CHN1: variants seen among roughly 807,000 people sequenced by gnomAD.
The protein encoded by CHN1 is chimerin 1.
Under a neutral mutation model 59.5 loss-of-function variants are expected in CHN1, and 37 were observed. That is an observed-to-expected ratio of 0.62 (90% CI 0.48 to 0.82). CHN1 has a LOEUF of 0.82. CHN1 is among the 40% of genes least tolerant of loss of function. The pLI is 0.00. For missense variants in CHN1, 469 were observed against 571.0 expected, an observed-to-expected ratio of 0.82 and a Z score of 1.82; for synonymous variants, 206 against 200.4, an observed-to-expected ratio of 1.03 and a Z score of -0.24.
chr2:174,846,871 T>TTGTG lies in CHN1; in HGVS notation c.627+8_627+9insCACA. 1 of 1,545,484 alleles carries TTGTG rather than the reference T, an allele frequency of 6.5e-7. No homozygotes were observed. The highest frequency in any genetic ancestry group is 8.7e-7 in the Non-Finnish European group (1 of 1,143,442). ...CATTTCTTAAAAGACTAAAAGCAAATATTCTTACCTTGAAATTGTGAATCT... is the reference window on the plus strand; with the variant it reads ...CATTTCTTAAAAGACTAAAAGCAAATTGTGATTCTTACCTTGAAATTGTGAATCT... On this transcript the variant is annotated intron_variant, in intron 7 of 12. Coordinates refer to ENST00000409900, the MANE Select transcript of CHN1 (RefSeq NM_001822.7).
At chr2:174,835,290 C>A (rs1381230733) in intron 7 of CHN1, among the ~76,000 whole-genome samples, 1 of 152,170 alleles carries the variant, frequency 6.6e-6, no homozygotes, top group Non-Finnish European at 1.5e-5. Flanking sequence ...CAAATTTTCT[C>A]ACTCTCTCTG....
intron 8 of CHN1, among the ~76,000 whole-genome samples, chr2:174,819,471 T>C (rs1685404072): frequency 6.6e-6 from 1 of 152,232 alleles, no homozygotes; most frequent in Admixed American, 6.5e-5. Flanking sequence ...TAGATTATTC[T>C]GGTAAGGCTA....
rs561794332 is a variant in CHN1, at chr2:174,810,858, T to G, written c.964+653A>C. The G allele has an allele frequency of 7.9e-5, 12 of 152,366 alleles. No individual in the cohort carries two copies. The East Asian group carries it at 2.1e-3, about 27-fold the overall frequency. 9.4% of individuals were successfully genotyped at this position (152,366 alleles called of 1,614,324 possible). A position where few individuals can be genotyped will look rare whatever the true frequency, so the allele number is the denominator to read the frequency against. On this transcript the variant is annotated intron_variant, in intron 10 of 12. Transcript: ENST00000409900. The stretch of plus-strand genomic sequence containing the variant: ...ACTCTTACTCCTTTACTTCCTGTAT[T>G]CAAGGCTACAGGTCTTCTTTGGAAC...
At chr2:174,903,070 G>A (rs1452693770) in intron 5 of CHN1, among the ~76,000 whole-genome samples, 1 of 151,630 alleles carries the variant, frequency 6.6e-6, no homozygotes, top group Non-Finnish European at 1.5e-5. Flanking sequence ...GAAATCCCTT[G>A]CTTAATAGAA....
intron 1 of CHN1, among the ~76,000 whole-genome samples, chr2:174,999,822 G>C (rs1574260224): frequency 6.6e-6 from 1 of 152,274 alleles, no homozygotes; most frequent in Non-Finnish European, 1.5e-5. Context: ...TTTTTTAAAA[G>C]GTTGAGAAAA....
intron 6 of CHN1, among the ~76,000 whole-genome samples, chr2:174,876,424 T>TA (rs929492272): frequency 1.6e-4 from 24 of 152,116 alleles, no homozygotes; most frequent in Non-Finnish European, 3.1e-4. Context: ...CAAGCATTAC[T>TA]AAAAAATGCC....
chr2:174,966,882 T>C (rs145208184), intron 1 of CHN1, among the ~76,000 whole-genome samples: 133 of 152,314 alleles, frequency 8.7e-4, no homozygotes, highest in African/African-American at 3.0e-3. Flanking sequence ...GTCCTCTCAA[T>C]GATATCTCAG....
At chr2:174,817,087 C>G (rs937071561) in intron 8 of CHN1, among the ~76,000 whole-genome samples, 1 of 152,158 alleles carries the variant, frequency 6.6e-6, no homozygotes, top group Non-Finnish European at 1.5e-5. Context: ...ACACATACCA[C>G]TTTTCCCCAT....
At chr2:174,923,663 T>C (rs374167897) in intron 3 of CHN1, among the ~76,000 whole-genome samples, 2 of 152,296 alleles carry the variant, frequency 1.3e-5, no homozygotes, top group Non-Finnish European at 2.9e-5. Context: ...AGTGTGACAG[T>C]AGTGAGATTG....
rs1692024698 is a variant in CHN1, at chr2:175,005,139, C to G, written c.-227G>C. 1.5e-6 allele frequency: 2 copies of G among 1,299,258 alleles called. No individual in the cohort carries two copies. Among genetic ancestry groups the G allele is most frequent in the South Asian group, 3.7e-5 (2 of 53,910 alleles). 80.5% of individuals were successfully genotyped at this position (1,299,258 alleles called of 1,614,324 possible). On this transcript the variant is annotated 5_prime_UTR_variant, in exon 1 of 13. The change abolishes the stop of an existing upstream ORF in the 5' untranslated region. Transcript: ENST00000409900. ...GGCGCACCGGGCCCAGGGAGCCCCG[C>G]TAGCTCTCCGCGAGCCGGCACTTGT... is the stretch of plus-strand genomic sequence containing the variant.
At chr2:174,895,192 G>GTA (rs1314313676) in intron 5 of CHN1, among the ~76,000 whole-genome samples, 1 of 117,736 alleles carries the variant, frequency 8.5e-6, no homozygotes, top group Non-Finnish European at 1.9e-5. Flanking sequence ...ATATATGTGT[G>GTA]TGTGTGTATA....
At chr2:174,847,458 G>A in intron 6 of CHN1, 1 of 1,179,140 alleles carries the variant, frequency 8.5e-7, no homozygotes, top group Non-Finnish European at 1.1e-6. Flanking sequence ...TTTTTAAAAG[G>A]CATGCAATTT....
chr2:174,856,610 C>T (rs1048635646), intron 6 of CHN1, among the ~76,000 whole-genome samples: 1 of 152,124 alleles, frequency 6.6e-6, no homozygotes, highest in African/African-American at 2.4e-5. Flanking sequence ...CTTTTTCACA[C>T]TACGTGAAGA....
chr2:174,971,186 T>C (rs1015556127), intron 1 of CHN1, among the ~76,000 whole-genome samples: 2 of 151,986 alleles, frequency 1.3e-5, no homozygotes, highest in Non-Finnish European at 2.9e-5. Flanking sequence ...AGCATGGTGG[T>C]GGGTGCCTGT....
chr2:174,932,549 A>G (rs1689380526), intron 3 of CHN1, among the ~76,000 whole-genome samples: 1 of 152,198 alleles, frequency 6.6e-6, no homozygotes, highest in Admixed American at 6.5e-5. Flanking sequence ...CTTGGTAGCC[A>G]TGAAACAGGT....
chr2:174,883,671 A>G (rs919457463), intron 5 of CHN1, among the ~76,000 whole-genome samples: 1 of 152,148 alleles, frequency 6.6e-6, no homozygotes, highest in Non-Finnish European at 1.5e-5. Flanking sequence ...AACAAACAGA[A>G]TCAAAGCAAG....
chr2:174,914,849 A>G (rs564821789), intron 5 of CHN1, among the ~76,000 whole-genome samples: 1 of 151,548 alleles, frequency 6.6e-6, no homozygotes, highest in East Asian at 1.9e-4. Context: ...ATTCAAAAAA[A>G]AAAAAAAAAA....
In CHN1 at chr2:174,925,157, A is replaced by C. The variant is rs149960454; in HGVS notation, c.115-6592T>G. Among the ~76,000 whole-genome samples the C allele has an allele frequency of 1.9e-3, 291 of 152,316 alleles. 1 individual carries two copies. Among genetic ancestry groups the C allele is most frequent in the African/African-American group, 6.8e-3 (284 of 41,586 alleles). On this transcript the variant is annotated intron_variant, in intron 3 of 12. Coordinates refer to ENST00000409900, the MANE Select transcript of CHN1 (RefSeq NM_001822.7). ...TCCCTCTTGGCCAACAGGGCCCCAAAGAAACCTGAAAAACTGAATTCCTAG... is the reference window on the plus strand; with the variant it reads ...TCCCTCTTGGCCAACAGGGCCCCAACGAAACCTGAAAAACTGAATTCCTAG...
chr2:174,948,688 CATTAA>C (rs1689922939), intron 2 of CHN1, among the ~76,000 whole-genome samples: 1 of 152,176 alleles, frequency 6.6e-6, no homozygotes, highest in African/African-American at 2.4e-5. Context: ...CAACTTTTGA[CATTAA>C]ATTAAATCAT....
Sources: allele counts gnomAD v4.1 joint callset (sites outside exome capture counted in the v4.1 genomes callset), GRCh38; gene constraint gnomAD v4.1.1; transcripts MANE v1.5; gene names NCBI Gene and HGNC (gene_info 2026-07-23, HGNC 2026-07-21).